The following ANKUB1 variants were observed in gnomAD, a reference collection of about 807,000 sequenced individuals.
ANKUB1 encodes the protein protein ANKUB1.
In ANKUB1, 42 loss-of-function variants were observed where a neutral mutation model predicts 49.3. That is an observed-to-expected ratio of 0.85 (90% CI 0.67 to 1.10). The LOEUF (loss-of-function observed/expected upper bound fraction) is 1.10, where lower values mean the gene tolerates loss of function less well. Among genes scored for constraint, ANKUB1 ranks in the 50% least tolerant of loss-of-function variants. The pLI is 0.00. For synonymous variants in ANKUB1, 222 were observed against 231.0 expected (o/e 0.96, Z 0.35); for missense variants, 613 against 642.0 (o/e 0.95, Z 0.49).
intron 3 of ANKUB1, among the ~76,000 whole-genome samples, chr3:149,774,365 G>T (rs1242952007): frequency 3.3e-5 from 5 of 152,150 alleles, no homozygotes; most frequent in African/African-American, 1.2e-4. Context: ...ATCACCCTCT[G>T]CCTTCCTCGG....
At position 149,780,070 on chromosome 3, in the gene ANKUB1, T is replaced by C. The variant is rs73870412; in HGVS notation, c.451+169A>G. The C allele has an allele frequency of 0.026, 17,154 of 649,134 alleles. 291 individuals are homozygous for C. The highest frequency in any genetic ancestry group is 0.03 in the Non-Finnish European group (11,637 of 382,226). 40.2% of individuals were successfully genotyped at this position (649,134 alleles called of 1,614,324 possible). On this transcript the variant is annotated intron_variant, in intron 3 of 5. Transcript: ENST00000446160. Reference sequence around the variant, plus strand: ...CACTACACATCCTTTTCACTTCTGATATTTAAACTATGTAAATGTGTTAAC... The same window carrying C: ...CACTACACATCCTTTTCACTTCTGACATTTAAACTATGTAAATGTGTTAAC...
intron 4 of ANKUB1, among the ~76,000 whole-genome samples, chr3:149,768,603 G>A (rs942811338): frequency 1.2e-4 from 18 of 151,688 alleles, no homozygotes; most frequent in African/African-American, 3.9e-4. Flanking sequence ...GTGCAGTGAT[G>A]CAATCTTGGC....
At chr3:149,778,068 A>G (rs1403028) in intron 3 of ANKUB1, among the ~76,000 whole-genome samples, 110,717 of 152,130 alleles carry the variant, frequency 0.73, 41,099 homozygotes, top group East Asian at 0.9. Context: ...GAAGCTGATC[A>G]AGGACTCTTT....
chr3:149,774,352 A>C lies in ANKUB1; in HGVS notation c.452-3678T>G, dbSNP rs1576673919. 5.3e-5 allele frequency among the ~76,000 whole-genome samples: 8 copies of C among 152,230 alleles called. 1 individual carries two copies. Among genetic ancestry groups the C allele is most frequent in the Admixed American group, 5.2e-4 (8 of 15,294 alleles). On this transcript the variant is annotated intron_variant, in intron 3 of 5. Coordinates refer to ENST00000446160, the MANE Select transcript of ANKUB1 (RefSeq NM_001144960.3). Reference sequence around the variant, plus strand: ...ACAAGGTCCCTGATGGATCTCCCTGAGGATCACCCTCTGCCTTCCTCGGCC... The same window carrying C: ...ACAAGGTCCCTGATGGATCTCCCTGCGGATCACCCTCTGCCTTCCTCGGCC...
rs1462307928 is a variant in ANKUB1 at position 149,767,958 on chromosome 3, A to C, written c.704T>G (p.Leu235Arg). 6.5e-7 allele frequency: 1 copy of C among 1,544,580 alleles called. No homozygotes were observed. Among genetic ancestry groups the C allele is most frequent in the Non-Finnish European group, 8.8e-7 (1 of 1,141,440 alleles). The change falls in exon 5 of 6, where the codon CTT (leucine) becomes CGT (arginine). Residue 235 changes from leucine (L) to arginine (R), a missense_variant. Leu to Arg is a moderately radical substitution (Grantham distance 102). Coordinates refer to ENST00000446160, the MANE Select transcript of ANKUB1 (RefSeq NM_001144960.3). Reference protein sequence around the residue: ...HPYRAWCHEALHADVSKCPIH... With the variant: ...HPYRAWCHEARHADVSKCPIH... ...GGGGCATTTAGAGACATCTGCATGA[A>C]GGGCTTCATGGCACCATGCTCGATA...
chr3:149,778,661 A>T (rs527493277), intron 3 of ANKUB1: 1 of 152,266 alleles, frequency 6.6e-6, no homozygotes, highest in African/African-American at 2.4e-5. Flanking sequence ...CAGAGCAGGT[A>T]TGTGCACTAT....
At chr3:149,763,271 C>T (rs780167504) in intron 5 of ANKUB1, among the ~76,000 whole-genome samples, 5 of 152,182 alleles carry the variant, frequency 3.3e-5, no homozygotes, top group Non-Finnish European at 7.3e-5. Context: ...TTGAAGTCCT[C>T]TCCTGTTCTG....
intron 1 of ANKUB1, 115 bp downstream of exon 1, chr3:149,792,162 G>T: frequency 1.7e-6 from 1 of 581,198 alleles, no homozygotes; most frequent in Non-Finnish European, 2.6e-6. Context: ...AATAGTTTTC[G>T]TTCCCTGTTT....
At position 149,761,442 on chromosome 3, in the gene ANKUB1, G is replaced by A; in HGVS notation, c.*42C>T. 6.5e-7 allele frequency: 1 copy of A among 1,547,210 alleles called. No homozygotes were observed. Among genetic ancestry groups the A allele is most frequent in the Non-Finnish European group, 8.7e-7 (1 of 1,143,630 alleles). Reference sequence around the variant, plus strand: ...TGTTAACATTAGAACTGGACATTCTGTTTGATCAGGTCTTTGTCCAAACTG... The same window carrying A: ...TGTTAACATTAGAACTGGACATTCTATTTGATCAGGTCTTTGTCCAAACTG... On this transcript the variant is annotated 3_prime_UTR_variant, in exon 6 of 6. Coordinates refer to ENST00000446160, the MANE Select transcript of ANKUB1 (RefSeq NM_001144960.3).
chr3:149,778,312 T>C (rs569533966), intron 3 of ANKUB1: 1 of 152,320 alleles, frequency 6.6e-6, no homozygotes, highest in South Asian at 2.1e-4. Context: ...TTTCCTAAAG[T>C]TCCTACTCCC....
chr3:149,773,832 G>T (rs897126138), intron 3 of ANKUB1, among the ~76,000 whole-genome samples: 2 of 152,134 alleles, frequency 1.3e-5, no homozygotes. Context: ...GCCAGCCCCA[G>T]GTCCAGAGAA....
chr3:149,780,775 C>T (rs985337757), intron 2 of ANKUB1, among the ~76,000 whole-genome samples: 2 of 152,160 alleles, frequency 1.3e-5, no homozygotes, highest in Non-Finnish European at 2.9e-5. Context: ...GTTTAGAAAA[C>T]ATTCCTCTGT....
At chr3:149,776,094 C>A (rs765718776) in intron 3 of ANKUB1, among the ~76,000 whole-genome samples, 1 of 152,168 alleles carries the variant, frequency 6.6e-6, no homozygotes, top group Non-Finnish European at 1.5e-5. Context: ...TCCCTAAAAT[C>A]TTTCTTTCTC....
intron 4 of ANKUB1, among the ~76,000 whole-genome samples, chr3:149,769,284 G>A (rs181250614): frequency 5.3e-5 from 8 of 152,212 alleles, no homozygotes; most frequent in African/African-American, 9.6e-5. Context: ...TAAAATGACC[G>A]CCTGCCTCTC....
At chr3:149,788,268 C>T (rs1294599308) in intron 2 of ANKUB1, among the ~76,000 whole-genome samples, 2 of 152,158 alleles carry the variant, frequency 1.3e-5, no homozygotes, top group African/African-American at 4.8e-5. Flanking sequence ...AAATGTGATT[C>T]TACCTGACAG....
intron 4 of ANKUB1, among the ~76,000 whole-genome samples, chr3:149,770,151 T>C (rs1432202900): frequency 1.3e-5 from 2 of 152,222 alleles, no homozygotes; most frequent in Non-Finnish European, 2.9e-5. Flanking sequence ...AAGAATATGG[T>C]ATATAATACA....
intron 3 of ANKUB1, among the ~76,000 whole-genome samples, chr3:149,776,533 C>T (rs1717602622): frequency 6.6e-6 from 1 of 152,278 alleles, no homozygotes; most frequent in East Asian, 1.9e-4. Flanking sequence ...AACTGACCAG[C>T]TGAGTAACTT....
chr3:149,774,058 C>A (rs1237188587), intron 3 of ANKUB1, among the ~76,000 whole-genome samples: 4 of 152,180 alleles, frequency 2.6e-5, no homozygotes, highest in African/African-American at 9.7e-5. Context: ...TGTTCCTGTT[C>A]ATCCTGGTCA....
At chr3:149,772,267 C>G (rs555794511) in intron 3 of ANKUB1, among the ~76,000 whole-genome samples, 1 of 152,162 alleles carries the variant, frequency 6.6e-6, no homozygotes, top group Non-Finnish European at 1.5e-5. Context: ...ACGATCCATC[C>G]GCCTTGGCCT....
Sources: gnomAD v4.1 joint callset for allele counts (sites outside exome capture counted in the v4.1 genomes callset) on GRCh38, gnomAD v4.1.1 for gene constraint, MANE v1.5 for transcripts, NCBI Gene and HGNC (gene_info 2026-07-23, HGNC 2026-07-21) for gene names.